CSGALNACT1: variants seen among roughly 807,000 people sequenced by gnomAD.
CSGALNACT1 encodes chondroitin sulfate N-acetylgalactosaminyltransferase 1.
Under a neutral mutation model 51.0 loss-of-function variants are expected in CSGALNACT1, and 52 were observed. The observed-to-expected ratio is 1.02, with a 90% confidence interval of 0.82 to 1.29. The LOEUF (loss-of-function observed/expected upper bound fraction) is 1.29, where lower values mean the gene tolerates loss of function less well. CSGALNACT1 is among the 50% of genes most tolerant of loss of function. The probability of loss-of-function intolerance (pLI) is 0.00; values close to 1 mark genes in which losing one functional copy is unlikely to be tolerated. For synonymous variants in CSGALNACT1, 341 were observed against 254.4 expected, an observed-to-expected ratio of 1.34 and a Z score of -3.24; for missense variants, 935 against 679.2, an observed-to-expected ratio of 1.38 and a Z score of -4.19.
chr8:19,602,437 CTTCCCGAAG>C (rs2050647985), exon 1 of CSGALNACT1: 2 of 152,692 alleles, frequency 1.3e-5, no homozygotes, highest in Admixed American at 1.3e-4. Context: ...GAACGACCGC[CTTCCCGAAG>C]CACCGCAGGG....
chr8:19,623,058 A>G lies in CSGALNACT1; in HGVS notation c.-543-21193T>C, dbSNP rs74732756. Among the ~76,000 whole-genome samples, 1,262 of 152,326 alleles carry G rather than the reference A, an allele frequency of 8.3e-3. 18 individuals carry two copies. The highest frequency in any genetic ancestry group is 0.029 in the African/African-American group (1,189 of 41,560). ...ACACATGTATCCCAGAACTTAAAGT[A>G]AAGTAAATAAAAAAGAGGCATACCT... On this transcript the variant is annotated intron_variant, in intron 1 of 9. Transcript: ENST00000332246.
intron 4 of CSGALNACT1, among the ~76,000 whole-genome samples, chr8:19,493,985 G>A (rs2074962114): frequency 1.3e-5 from 2 of 151,832 alleles, no homozygotes; most frequent in Admixed American, 1.3e-4. Context: ...TTCCAAACCT[G>A]CCTCCAATGT....
intron 1 of CSGALNACT1, among the ~76,000 whole-genome samples, chr8:19,705,879 T>G (rs1413662664): frequency 1.3e-5 from 2 of 152,220 alleles, no homozygotes; most frequent in East Asian, 3.8e-4. Context: ...TAGTTAAAGC[T>G]GAATAATCGA....
At chr8:19,468,238 C>A (rs1308481425) in intron 4 of CSGALNACT1, among the ~76,000 whole-genome samples, 2 of 152,086 alleles carry the variant, frequency 1.3e-5, no homozygotes, top group Non-Finnish European at 2.9e-5. Context: ...TCAGAGCGAG[C>A]ATTTTAAGGA....
intron 5 of CSGALNACT1, among the ~76,000 whole-genome samples, chr8:19,449,899 A>T (rs1427167357): frequency 6.6e-6 from 1 of 151,714 alleles, no homozygotes; most frequent in Admixed American, 6.6e-5. Context: ...GACCAAAGAA[A>T]ATCTATAGCT....
chr8:19,484,187 G>A (rs537605489), intron 4 of CSGALNACT1, among the ~76,000 whole-genome samples: 1 of 114,142 alleles, frequency 8.8e-6, no homozygotes, highest in Admixed American at 8.1e-5. Context: ...CACAAGGGGA[G>A]TGATATAGCA....
At chr8:19,405,906 C>T (rs563857601) in exon 10 of CSGALNACT1, 1 of 1,614,172 alleles carries the variant, frequency 6.2e-7, no homozygotes, top group African/African-American at 1.3e-5. Flanking sequence ...GCATGCACAT[C>T]TTGTACTGCT....
chr8:19,569,824 G>C (rs971431955), intron 3 of CSGALNACT1, among the ~76,000 whole-genome samples: 1 of 152,178 alleles, frequency 6.6e-6, no homozygotes, highest in Non-Finnish European at 1.5e-5. Context: ...TCCATCAACA[G>C]TAGAATGGAT....
chr8:19,638,096 T>C (rs1268911414), intron 1 of CSGALNACT1, among the ~76,000 whole-genome samples: 3 of 148,070 alleles, frequency 2.0e-5, no homozygotes. Flanking sequence ...GTTAGTCTCT[T>C]GAAACCAACG....
chr8:19,722,405 G>T (rs2063175381), intron 1 of CSGALNACT1, among the ~76,000 whole-genome samples: 1 of 152,132 alleles, frequency 6.6e-6, no homozygotes, highest in South Asian at 2.1e-4. Context: ...CTTACTTTCT[G>T]CCAGGTACCC....
chr8:19,482,302 G>A (rs1160153455), intron 4 of CSGALNACT1, among the ~76,000 whole-genome samples: 1 of 152,172 alleles, frequency 6.6e-6, no homozygotes, highest in Non-Finnish European at 1.5e-5. Flanking sequence ...ATTAATTTTT[G>A]TTTAAAATAA....
intron 8 of CSGALNACT1, among the ~76,000 whole-genome samples, chr8:19,415,340 G>T (rs1156619074): frequency 1.3e-5 from 2 of 152,160 alleles, no homozygotes; most frequent in Non-Finnish European, 2.9e-5. Context: ...TTTTGGGAAG[G>T]GGGAGTCCTT....
intron 1 of CSGALNACT1, among the ~76,000 whole-genome samples, chr8:19,668,911 C>T (rs2059583693): frequency 6.6e-6 from 1 of 152,160 alleles, no homozygotes; most frequent in African/African-American, 2.4e-5. Flanking sequence ...GAACACCCTT[C>T]TTGAAATACT....
intron 4 of CSGALNACT1, among the ~76,000 whole-genome samples, chr8:19,463,499 T>G (rs1460762158): frequency 6.6e-6 from 1 of 152,096 alleles, no homozygotes; most frequent in Non-Finnish European, 1.5e-5. Context: ...CAGAGCAAAC[T>G]TGGGCATGGG....
intron 1 of CSGALNACT1, among the ~76,000 whole-genome samples, chr8:19,666,423 G>T (rs538245628): frequency 6.6e-6 from 1 of 152,206 alleles, no homozygotes; most frequent in South Asian, 2.1e-4. Context: ...AGCCAGGTGT[G>T]GTTGCTCACA....
chr8:19,579,273 C>T (rs1488465192), intron 3 of CSGALNACT1, among the ~76,000 whole-genome samples: 2 of 152,190 alleles, frequency 1.3e-5, no homozygotes, highest in Non-Finnish European at 2.9e-5. Flanking sequence ...CCCTCCATGT[C>T]CTCTACACTG....
chr8:19,665,778 G>A (rs1159001701), intron 1 of CSGALNACT1, among the ~76,000 whole-genome samples: 1 of 152,108 alleles, frequency 6.6e-6, no homozygotes, highest in Non-Finnish European at 1.5e-5. Context: ...AGAAGGGTTT[G>A]GTTAATTACA....
intron 3 of CSGALNACT1, among the ~76,000 whole-genome samples, chr8:19,582,706 T>TA (rs2045841136): frequency 6.6e-6 from 1 of 152,140 alleles, no homozygotes; most frequent in African/African-American, 2.4e-5. Context: ...GACTTTTTTT[T>TA]ATCATTGTCT....
intron 1 of CSGALNACT1, among the ~76,000 whole-genome samples, chr8:19,736,524 A>AT (rs954550856): frequency 1.3e-5 from 2 of 152,106 alleles, no homozygotes; most frequent in African/African-American, 4.8e-5. Flanking sequence ...ACCAAAAAAA[A>AT]AAAAAATAAA....
Sources: allele counts gnomAD v4.1 joint callset (sites outside exome capture counted in the v4.1 genomes callset), GRCh38; gene constraint gnomAD v4.1.1; transcripts MANE v1.5; gene names NCBI Gene and HGNC (gene_info 2026-07-23, HGNC 2026-07-21).